Variants in TSPEAR observed in about 807,000 individuals in gnomAD.
TSPEAR encodes thrombospondin type laminin G domain and EAR repeats, also known as thrombospondin-type laminin G domain and EAR repeat-containing protein.
Under a neutral mutation model 71.6 loss-of-function variants are expected in TSPEAR, and 69 were observed. That is an observed-to-expected ratio of 0.96 (90% confidence interval 0.79 to 1.18). The LOEUF (loss-of-function observed/expected upper bound fraction) is 1.18. Ranked by LOEUF, TSPEAR falls within the 50% of genes most tolerant of loss-of-function variation. The pLI, the probability that TSPEAR is intolerant of heterozygous loss-of-function variation, is 0.00. For synonymous variants in TSPEAR, 402 were observed against 387.2 expected, an observed-to-expected ratio of 1.04 and a Z score of -0.45; for missense variants, 971 against 894.9, an observed-to-expected ratio of 1.09 and a Z score of -1.09.
chr21:44,698,649 CAG>C (rs1419631193), intron 1 of TSPEAR, among the ~76,000 whole-genome samples: 1 of 152,208 alleles, frequency 6.6e-6, no homozygotes, highest in African/African-American at 2.4e-5. Flanking sequence ...TGGCTGCAGA[CAG>C]AGAGGATGGC....
At chr21:44,539,131 C>CAG (rs1555916739) in intron 2 of TSPEAR, 80 of 1,191,284 alleles carry the variant, frequency 6.7e-5, no homozygotes, top group East Asian at 4.6e-4. Flanking sequence ...AGCTGGGGAG[C>CAG]TGCAAGGATG....
chr21:44,597,096 G>A (rs1172013595), intron 1 of TSPEAR, among the ~76,000 whole-genome samples: 1 of 151,890 alleles, frequency 6.6e-6, no homozygotes, highest in African/African-American at 2.4e-5. Context: ...TTATTGACAG[G>A]TGTATTAACA....
rs1165768157 is a variant in TSPEAR, at chr21:44,499,741, G to A, written c.*42C>T. 16 of 1,522,174 alleles carry A rather than the reference G, an allele frequency of 1.1e-5. No individual in the cohort carries two copies. The highest frequency in any genetic ancestry group is 1.3e-5 in the Non-Finnish European group (15 of 1,134,834). The allele number at this position is 1,522,174 out of a possible 1,614,324, so 94.3% of individuals were successfully genotyped here. A position where few individuals can be genotyped will look rare whatever the true frequency, so the allele number is the denominator to read the frequency against. On this transcript the variant is annotated 3_prime_UTR_variant, in exon 12 of 12. Coordinates refer to ENST00000323084, the MANE Select transcript of TSPEAR (RefSeq NM_144991.3). Reference sequence around the variant, plus strand: ...CAGTTGGGGGAGGTGCTGGGGTCCCGCCCCACCTGGCCACCCCAGTTGCTG... The same window carrying A: ...CAGTTGGGGGAGGTGCTGGGGTCCCACCCCACCTGGCCACCCCAGTTGCTG...
intron 9 of TSPEAR, among the ~76,000 whole-genome samples, chr21:44,514,897 G>A (rs1555913165): frequency 6.6e-6 from 1 of 152,174 alleles, no homozygotes; most frequent in East Asian, 1.9e-4. Context: ...GGGCTGCAAA[G>A]TCCTGCCATG....
At chr21:44,627,892 C>T in intron 1 of TSPEAR, 4 of 1,612,122 alleles carry the variant, frequency 2.5e-6, no homozygotes, top group East Asian at 2.2e-5. Flanking sequence ...TGTGTGCAGG[C>T]CCGCCTGCTG....
chr21:44,562,156 C>T (rs782812676), intron 2 of TSPEAR, among the ~76,000 whole-genome samples: 3 of 152,086 alleles, frequency 2.0e-5, no homozygotes, highest in Non-Finnish European at 4.4e-5. Flanking sequence ...AATCAATGTG[C>T]AAAAATCACA....
chr21:44,661,816 A>G (rs1297203882), intron 1 of TSPEAR, among the ~76,000 whole-genome samples: 2 of 152,152 alleles, frequency 1.3e-5, no homozygotes, highest in Non-Finnish European at 2.9e-5. Context: ...AGGTCTCCCA[A>G]GAACTCACTC....
chr21:44,509,172 C>T (rs374885382), intron 10 of TSPEAR, 27 bp downstream of exon 10: 3 of 1,605,008 alleles, frequency 1.9e-6, no homozygotes, highest in Non-Finnish European at 2.6e-6. Context: ...ATCAGCCCAC[C>T]TCCCACTGGC....
At chr21:44,706,835 T>C (rs900609713) in intron 1 of TSPEAR, among the ~76,000 whole-genome samples, 5 of 152,108 alleles carry the variant, frequency 3.3e-5, no homozygotes. Context: ...GCCCATGGGA[T>C]TGGATTCGCC....
chr21:44,650,450 G>GGCAGAGACTGGGGCCACGTGACGACA (rs1555941210), intron 1 of TSPEAR, among the ~76,000 whole-genome samples: 8 of 152,368 alleles, frequency 5.3e-5, no homozygotes, highest in East Asian at 1.9e-4. Flanking sequence ...ACGTGACGAC[G>GGCAGAGACTGGGGCCACGTGACGACA]GGGGCAGAGA....
chr21:44,599,480 T>C (rs1221597449), intron 1 of TSPEAR, among the ~76,000 whole-genome samples: 1 of 152,188 alleles, frequency 6.6e-6, no homozygotes, highest in Non-Finnish European at 1.5e-5. Context: ...GCCGCATGCA[T>C]GCTGGGCTAT....
In TSPEAR at chr21:44,548,733, C is replaced by T. The variant is rs1422006763; in HGVS notation, c.304-14810G>A. ...GGAGGGACAGGCCCTCACAGTTCCC[C>T]GCTGCACCATTTCCTCTGACGTCGG... On this transcript the variant is annotated intron_variant, in intron 2 of 11. Transcript: ENST00000323084. 3.3e-5 allele frequency among the ~76,000 whole-genome samples: 5 copies of T among 152,176 alleles called. 1 individual carries two copies. The highest frequency in any genetic ancestry group is 7.2e-5 in the African/African-American group (3 of 41,436).
chr21:44,612,454 C>T lies in TSPEAR; in HGVS notation c.83-44449G>A, dbSNP rs1555931382. On this transcript the variant is annotated intron_variant, in intron 1 of 11. Coordinates refer to ENST00000323084, the MANE Select transcript of TSPEAR (RefSeq NM_144991.3). This position sits in a 1 kb window ranked among gnomAD's most constrained non-coding sequence, Gnocchi z 4.1. ...CCTCCTCCCCCTGCCAACAGGCCTG[C>T]TGTGTGCCTGTGTGCTGCAAGTCCA... is the stretch of plus-strand genomic sequence containing the variant. The T allele has an allele frequency of 1.2e-6, 2 of 1,613,978 alleles. No homozygotes were observed. Among genetic ancestry groups the T allele is most frequent in the East Asian group, 2.2e-5 (1 of 44,882 alleles).
rs190265236 is a variant in TSPEAR at position 44,528,482 on chromosome 21, C to A, written c.892G>T (p.Val298Phe). 65 of 1,614,046 alleles carry A rather than the reference C, an allele frequency of 4.0e-5. No homozygotes were observed. The African/African-American group carries it at 8.1e-4, about 20-fold the overall frequency. Reference protein sequence around the residue: ...DASRKGLYLCVGNEWVSVLAA... With the variant: ...DASRKGLYLCFGNEWVSVLAA... ...AACACGGAGACCCACTCGTTGCCAA[C>A]ACACAGATACAGGCCCTTCCGGCTG... Residue 298 changes from valine (V) to phenylalanine (F), a missense_variant, in exon 6 of 12, where the codon GTT (valine) becomes TTT (phenylalanine). Coordinates refer to ENST00000323084, the MANE Select transcript of TSPEAR (RefSeq NM_144991.3).
At chr21:44,517,106 A>G (rs587726954) in intron 9 of TSPEAR, 1 of 152,522 alleles carries the variant, frequency 6.6e-6, no homozygotes, top group Non-Finnish European at 1.5e-5. Flanking sequence ...CCCTGGACAC[A>G]CTTTGTGCTC....
intron 9 of TSPEAR, chr21:44,517,600 C>G (rs2052619259): frequency 2.7e-6 from 1 of 374,010 alleles, no homozygotes; most frequent in South Asian, 2.0e-5. Flanking sequence ...CAGGTCAGCC[C>G]CTTCCTGCTG....
chr21:44,700,628 G>A (rs551205021), intron 1 of TSPEAR, among the ~76,000 whole-genome samples: 22 of 152,330 alleles, frequency 1.4e-4, no homozygotes, highest in African/African-American at 4.3e-4. Flanking sequence ...GGAACTTCAC[G>A]GTTAAAGAAC....
In TSPEAR at chr21:44,698,186, G is replaced by A. The variant is rs918612488; in HGVS notation, c.82+13247C>T. 6.7e-6 allele frequency: 4 copies of A among 595,120 alleles called. No individual in the cohort carries two copies. The South Asian group carries it at 8.8e-5, about 13-fold the overall frequency. 36.9% of individuals were successfully genotyped at this position (595,120 alleles called of 1,614,324 possible). A position where few individuals can be genotyped will look rare whatever the true frequency, so the allele number is the denominator to read the frequency against. On this transcript the variant is annotated intron_variant, in intron 1 of 11. Transcript: ENST00000323084. ...CACTTCCCACATTCCAGGCCCCTGT[G>A]GTCTCGCCTCCTTGGAAGCTGCTGT... is the stretch of plus-strand genomic sequence containing the variant.
At position 44,612,793 on chromosome 21, in the gene TSPEAR, T is replaced by C; in HGVS notation, c.83-44788A>G. 1 of 1,613,302 alleles carries C rather than the reference T, an allele frequency of 6.2e-7. No individual in the cohort carries two copies. Among genetic ancestry groups the C allele is most frequent in the South Asian group, 1.1e-5 (1 of 91,034 alleles). On this transcript the variant is annotated intron_variant, in intron 1 of 11. Transcript: ENST00000323084. This position sits in a 1 kb window ranked among gnomAD's most constrained non-coding sequence, Gnocchi z 4.1. Reference sequence around the variant, plus strand: ...TGCCTGTCCCCTCCTGTTGTGTCCCTGCCTCCTCCTGCCAGCCCAGCTGCT... The same window carrying C: ...TGCCTGTCCCCTCCTGTTGTGTCCCCGCCTCCTCCTGCCAGCCCAGCTGCT...
Sources: gnomAD v4.1 joint callset for allele counts (sites outside exome capture counted in the v4.1 genomes callset) on GRCh38, gnomAD v4.1.1 for gene constraint, Gnocchi (gnomAD v3.1) non-coding constraint, MANE v1.5 for transcripts, NCBI Gene and HGNC (gene_info 2026-07-23, HGNC 2026-07-21) for gene names.